The following PDE11A variants were observed in gnomAD, a reference collection of about 807,000 sequenced individuals.
PDE11A encodes dual 3',5'-cyclic-AMP and -GMP phosphodiesterase 11A.
PDE11A carries 100 observed loss-of-function variants against 100.5 expected under a neutral mutation model. The observed-to-expected ratio is 1.00, with a 90% CI of 0.85 to 1.18. The LOEUF (loss-of-function observed/expected upper bound fraction) is 1.18, where lower values mean the gene tolerates loss of function less well. PDE11A is among the 50% of genes most tolerant of loss of function. The probability of loss-of-function intolerance (pLI) is 0.00; values close to 1 mark genes in which losing one functional copy is unlikely to be tolerated. For missense variants in PDE11A, 1,141 were observed against 1,152.6 expected (o/e 0.99, Z 0.15); for synonymous variants, 381 against 420.8 (o/e 0.91, Z 1.16).
At chr2:177,729,238 C>A (rs1455519082) in intron 10 of PDE11A, among the ~76,000 whole-genome samples, 1 of 152,140 alleles carries the variant, frequency 6.6e-6, no homozygotes. Context: ...TTAATTCAAC[C>A]CCTAAACTCT....
chr2:177,920,518 T>C (rs894975384), intron 2 of PDE11A, among the ~76,000 whole-genome samples: 4 of 152,104 alleles, frequency 2.6e-5, no homozygotes, highest in African/African-American at 7.2e-5. Flanking sequence ...TTAAAATTAA[T>C]ACCCAGGGCC....
At position 178,072,392 on chromosome 2, in the gene PDE11A, C is replaced by G. The variant is rs1467758518; in HGVS notation, c.46G>C (p.Asp16His). ...LDFGEVETFL[D>H]RHPELFEDYL... The stretch of plus-strand genomic sequence containing the variant: ...TCTTCAAACAACTCTGGGTGCCTGT[C>G]CAGGAAAGTTTCCACCTCCCCAAAG... Residue 16 changes from aspartate to histidine, a missense_variant, in exon 1 of 20, where the codon GAC becomes CAC. Coordinates refer to ENST00000286063, the MANE Select transcript of PDE11A (RefSeq NM_016953.4). 1 of 1,613,782 alleles carries G rather than the reference C, an allele frequency of 6.2e-7. No individual in the cohort carries two copies. Among genetic ancestry groups the G allele is most frequent in the East Asian group, 2.2e-5 (1 of 44,882 alleles).
chr2:177,995,253 C>A (rs2086056145), intron 2 of PDE11A, among the ~76,000 whole-genome samples: 1 of 151,056 alleles, frequency 6.6e-6, no homozygotes, highest in Admixed American at 6.6e-5. Context: ...TGTTCAGATT[C>A]CAAGGGAGTT....
At chr2:177,769,816 A>G (rs939021833) in intron 9 of PDE11A, among the ~76,000 whole-genome samples, 2 of 140,922 alleles carry the variant, frequency 1.4e-5, no homozygotes, top group African/African-American at 5.3e-5. Context: ...TGAGCCCAGG[A>G]GGTCGAGGCT....
chr2:177,682,400 C>A (rs1219783106), intron 15 of PDE11A, among the ~76,000 whole-genome samples: 1 of 152,190 alleles, frequency 6.6e-6, no homozygotes, highest in Non-Finnish European at 1.5e-5. Context: ...ACAGGCATGT[C>A]CTTAACCTCA....
intron 2 of PDE11A, chr2:177,997,273 A>C: frequency 8.5e-7 from 1 of 1,170,594 alleles, no homozygotes; most frequent in Non-Finnish European, 1.3e-6. Flanking sequence ...GGCTCCTCTC[A>C]TAATTAAAGT....
At position 178,014,432 on chromosome 2, in the gene PDE11A, T is replaced by G; in HGVS notation, c.941A>C (p.Lys314Thr). ...TGATTTTGTCTTGTATCCAGTTAGC[T>G]TGTCGATTTCATCATTGAATCGTCG... ...QDRRFNDEID[K>T]LTGYKTKSLL... The change falls in exon 2 of 20, where the codon AAG becomes ACG. Residue 314 changes from lysine (K) to threonine (T), a missense_variant. By Grantham distance (78) the Lys-to-Thr change is moderately conservative (BLOSUM62 -1). Transcript: ENST00000286063. 12 of 1,613,390 alleles carry G rather than the reference T, an allele frequency of 7.4e-6. No homozygotes were observed. Among genetic ancestry groups the G allele is most frequent in the Admixed American group, 1.7e-5 (1 of 60,020 alleles).
At chr2:178,037,872 G>A (rs1224744630) in intron 1 of PDE11A, among the ~76,000 whole-genome samples, 3 of 151,932 alleles carry the variant, frequency 2.0e-5, no homozygotes, top group African/African-American at 4.8e-5. Context: ...GGCCTGTCAG[G>A]GGGTGGGGGA....
At chr2:177,828,988 G>A (rs901943843) in intron 6 of PDE11A, among the ~76,000 whole-genome samples, 13 of 152,058 alleles carry the variant, frequency 8.5e-5, no homozygotes, top group African/African-American at 3.1e-4. Flanking sequence ...AAATAGTACA[G>A]GGATGATAGT....
At position 177,840,255 on chromosome 2, in the gene PDE11A, G is replaced by C. The variant is rs757022770; in HGVS notation, c.1496C>G (p.Ala499Gly). Residue 499 changes from alanine to glycine, a missense_variant, in exon 6 of 20, where the codon GCA becomes GGA. Physicochemically the swap from Ala to Gly is moderately conservative, Grantham distance 60. Coordinates refer to ENST00000286063, the MANE Select transcript of PDE11A (RefSeq NM_016953.4). ...SDAYQDPRFD[A>G]EADQISGFHI... ...AACCAGAGGGGCTCCTCTTACCTCT[G>C]CATCAAAGCGCGGATCCTGGTAGGC... 1.2e-6 allele frequency: 2 copies of C among 1,614,070 alleles called. No individual in the cohort carries two copies. The highest frequency in any genetic ancestry group is 1.7e-6 in the Non-Finnish European group (2 of 1,179,958).
At position 177,675,532 on chromosome 2, in the gene PDE11A, C is replaced by T; in HGVS notation, c.2424-14G>A. The T allele has an allele frequency of 6.2e-7, 1 of 1,607,106 alleles. No homozygotes were observed. The highest frequency in any genetic ancestry group is 8.5e-7 in the Non-Finnish European group (1 of 1,173,932). On this transcript the variant is annotated splice_polypyrimidine_tract_variant and intron_variant, in intron 16 of 19. Coordinates refer to ENST00000286063, the MANE Select transcript of PDE11A (RefSeq NM_016953.4). ...ATTAACATTGATCTGAAAAACAGAA[C>T]CAAACAAAACAGCCTGAATAATCTT... is the stretch of plus-strand genomic sequence containing the variant.
chr2:177,951,151 T>C (rs898568677), intron 2 of PDE11A, among the ~76,000 whole-genome samples: 8 of 152,114 alleles, frequency 5.3e-5, no homozygotes, highest in African/African-American at 1.9e-4. Flanking sequence ...TAAAAAAAAG[T>C]ATGAACAGAA....
At chr2:177,935,497 C>G (rs1350540048) in intron 2 of PDE11A, among the ~76,000 whole-genome samples, 2 of 152,164 alleles carry the variant, frequency 1.3e-5, no homozygotes, top group African/African-American at 4.8e-5. Flanking sequence ...AAATTGCCCC[C>G]TTAGTGCAAA....
chr2:177,754,917 A>C (rs1442795749), intron 10 of PDE11A, among the ~76,000 whole-genome samples: 1 of 152,238 alleles, frequency 6.6e-6, no homozygotes, highest in Non-Finnish European at 1.5e-5. Context: ...TTTTACTATG[A>C]GTTTCAAATA....
chr2:178,073,619 G>A (rs2087167614), upstream of PDE11A, among the ~76,000 whole-genome samples: 1 of 152,126 alleles, frequency 6.6e-6, no homozygotes, highest in Admixed American at 6.5e-5. Context: ...CATAGTGCCT[G>A]GCACATAAAA....
intron 2 of PDE11A, among the ~76,000 whole-genome samples, chr2:177,990,745 A>G (rs970033902): frequency 1.5e-5 from 2 of 137,378 alleles, no homozygotes; most frequent in South Asian, 5.0e-4. Flanking sequence ...CTCAAAAAAA[A>G]AAAAAAGGAA....
intron 15 of PDE11A, chr2:177,686,697 A>ATTTTTTTTTTTTT (rs202225715): frequency 1.6e-5 from 2 of 124,060 alleles, no homozygotes; most frequent in African/African-American, 6.4e-5. Flanking sequence ...GTACATGTAA[A>ATTTTTTTTTTTTT]TTTTTTTTTT....
At chr2:177,742,962 G>A (rs573503478) in intron 10 of PDE11A, among the ~76,000 whole-genome samples, 4 of 152,298 alleles carry the variant, frequency 2.6e-5, no homozygotes, top group East Asian at 1.9e-4. Context: ...GAGCACAAGC[G>A]AAATGATCAA....
At chr2:177,927,655 G>GC (rs1435062934) in intron 2 of PDE11A, among the ~76,000 whole-genome samples, 2 of 152,140 alleles carry the variant, frequency 1.3e-5, no homozygotes, top group African/African-American at 2.4e-5. Context: ...TAAAATAACT[G>GC]TTTTAGTAAC....
Sources: allele counts gnomAD v4.1 joint callset (sites outside exome capture counted in the v4.1 genomes callset), GRCh38; gene constraint gnomAD v4.1.1; transcripts MANE v1.5; gene names NCBI Gene and HGNC (gene_info 2026-07-23, HGNC 2026-07-21).